The following SAXO4 variants were observed in gnomAD, a reference collection of about 807,000 sequenced individuals.
SAXO4 encodes stabilizer of axonemal microtubules 4.
the SAXO4 span, chr11:61,487,156 G>C: frequency 8.1e-6 from 13 of 1,613,924 alleles, no homozygotes; most frequent in African/African-American, 1.1e-4. Context: ...GAGCCCACAG[G>C]GTTCAGCCTT....
At chr11:61,482,039 TC>T in the SAXO4 span, 4 of 754,110 alleles carry the variant, frequency 5.3e-6, no homozygotes, top group Non-Finnish European at 8.8e-6. Flanking sequence ...AATCCGTTTG[TC>T]CCCTGGGCCC....
the SAXO4 span, chr11:61,484,690 C>T: frequency 1.9e-6 from 3 of 1,613,470 alleles, no homozygotes; most frequent in Admixed American, 3.3e-5. Context: ...CCTCCCAGGT[C>T]CGGAAGGTCC....
At chr11:61,485,464 C>A in the SAXO4 span, 1 of 1,459,584 alleles carries the variant, frequency 6.9e-7, no homozygotes, top group East Asian at 2.3e-5. Context: ...TACTTGCTAC[C>A]CCAGGGGCCC....
chr11:61,489,740 G>A, the SAXO4 span: 54 of 1,607,924 alleles, frequency 3.4e-5, no homozygotes, highest in African/African-American at 7.1e-4. Context: ...GCAGAGGTGG[G>A]CAGAGTCCAG....
At chr11:61,484,678 T>A in the SAXO4 span, 16 of 1,613,074 alleles carry the variant, frequency 9.9e-6, no homozygotes, top group Non-Finnish European at 1.3e-5. Flanking sequence ...TTGGCCCTTC[T>A]TCCTCCCAGG....
chr11:61,486,449 G>C, the SAXO4 span: 1 of 1,613,544 alleles, frequency 6.2e-7, no homozygotes. Flanking sequence ...GCGGGGAGCA[G>C]TTAGAACATG....
At chr11:61,490,478 A>T in the SAXO4 span, 1 of 1,608,012 alleles carries the variant, frequency 6.2e-7, no homozygotes, top group African/African-American at 1.3e-5. Flanking sequence ...CACCCCCAAC[A>T]CTCTCCTCTT....
chr11:61,490,827 A>G, the SAXO4 span: 1 of 558,528 alleles, frequency 1.8e-6, no homozygotes, highest in Non-Finnish European at 3.2e-6. Context: ...TGTCAATCCT[A>G]GGGGACAGGA....
chr11:61,481,725 CT>C, the SAXO4 span: 2 of 707,278 alleles, frequency 2.8e-6, no homozygotes, highest in African/African-American at 1.9e-5. Flanking sequence ...ATCTTCGCCC[CT>C]GTGGGCTTCC....
chr11:61,482,073 G>T, the SAXO4 span, among the ~76,000 whole-genome samples: 2 of 152,122 alleles, frequency 1.3e-5, no homozygotes, highest in Non-Finnish European at 2.9e-5. Flanking sequence ...CCCTTCTCTG[G>T]TTCTGTCCCT....
the SAXO4 span, chr11:61,485,473 C>T: frequency 7.1e-7 from 1 of 1,409,662 alleles, no homozygotes. Context: ...CCCCAGGGGC[C>T]CTGGAGCTGG....
chr11:61,482,388 T>A, the SAXO4 span: 1 of 1,614,180 alleles, frequency 6.2e-7, no homozygotes, highest in Non-Finnish European at 8.5e-7. Flanking sequence ...CGTGGTCTCA[T>A]GCCAAGCCAG....
the SAXO4 span, chr11:61,481,782 G>C: frequency 7.4e-7 from 1 of 1,351,178 alleles, no homozygotes. Context: ...TCCTTTCTAG[G>C]CCCCCTGGGG....
chr11:61,486,876 G>A, the SAXO4 span: 2 of 1,278,232 alleles, frequency 1.6e-6, no homozygotes, highest in East Asian at 2.3e-5. Flanking sequence ...GCCTCTGCCT[G>A]CTCCCCTCTC....
At chr11:61,489,394 C>A in the SAXO4 span, 1 of 474,818 alleles carries the variant, frequency 2.1e-6, no homozygotes, top group Non-Finnish European at 3.7e-6. Context: ...AGGGTGGGAC[C>A]CCCTTCTTAC....
At chr11:61,484,680 C>A in the SAXO4 span, 1 of 1,613,102 alleles carries the variant, frequency 6.2e-7, no homozygotes, top group Non-Finnish European at 8.5e-7. Flanking sequence ...GGCCCTTCTT[C>A]CTCCCAGGTC....
the SAXO4 span, chr11:61,486,937 G>A: frequency 6.2e-7 from 1 of 1,612,640 alleles, no homozygotes; most frequent in Non-Finnish European, 8.5e-7. Flanking sequence ...TGGTGGTTCT[G>A]TGCCCTGCAG....
the SAXO4 span, among the ~76,000 whole-genome samples, chr11:61,485,031 T>C: frequency 6.6e-6 from 1 of 152,324 alleles, no homozygotes; most frequent in East Asian, 1.9e-4. Flanking sequence ...GCTACTCCTC[T>C]TCCCCCAGCC....
the SAXO4 span, chr11:61,485,649 G>A: frequency 1.4e-6 from 1 of 690,244 alleles, no homozygotes. Context: ...CTGGACTCTG[G>A]AATCCTCACC....
Sources: gnomAD v4.1 joint callset for allele counts (sites outside exome capture counted in the v4.1 genomes callset) on GRCh38, gnomAD v4.1.1 for gene constraint, MANE v1.5 for transcripts, NCBI Gene and HGNC (gene_info 2026-07-23, HGNC 2026-07-21) for gene names.